The following PXDN variants were observed in gnomAD, a reference collection of about 807,000 sequenced individuals.
PXDN encodes the protein peroxidasin homolog.
Under a neutral mutation model 140.3 loss-of-function variants are expected in PXDN, and 77 were observed. The ratio of observed to expected loss-of-function variants is 0.55; its 90% CI spans 0.46 to 0.66. The LOEUF (loss-of-function observed/expected upper bound fraction) is 0.66, where lower values mean the gene tolerates loss of function less well. PXDN is among the 30% of genes least tolerant of loss of function. The probability of loss-of-function intolerance (pLI) is 0.00; values close to 1 mark genes in which losing one functional copy is unlikely to be tolerated. For synonymous variants in PXDN, 911 were observed against 857.4 expected (o/e 1.06, Z -1.09); for missense variants, 1,838 against 2,039.5 (o/e 0.90, Z 1.90).
chr2:1,725,607 T>G (rs1033478655), intron 1 of PXDN, among the ~76,000 whole-genome samples: 1 of 152,064 alleles, frequency 6.6e-6, no homozygotes, highest in Non-Finnish European at 1.5e-5. Flanking sequence ...AGCTTCTGCA[T>G]AGCAAAACAA....
chr2:1,638,736 G>A (rs1682635729), intron 21 of PXDN, 110 bp downstream of exon 21: 2 of 1,511,502 alleles, frequency 1.3e-6, no homozygotes, highest in Non-Finnish European at 1.8e-6. Context: ...GTCCTGTGTG[G>A]GCAGTTGAAC....
chr2:1,724,376 T>C (rs1685127665), intron 1 of PXDN, among the ~76,000 whole-genome samples: 1 of 152,086 alleles, frequency 6.6e-6, no homozygotes, highest in Non-Finnish European at 1.5e-5. Flanking sequence ...ATATCCTTTT[T>C]ATAGTAGGTT....
At chr2:1,661,942 C>G (rs1417544474) in intron 13 of PXDN, 130 bp downstream of exon 13, 1 of 751,748 alleles carries the variant, frequency 1.3e-6, no homozygotes, top group East Asian at 2.7e-5. Context: ...CCCATCATAC[C>G]CCACAGCAGA....
At chr2:1,658,330 C>T (rs1157020002) in intron 14 of PXDN, among the ~76,000 whole-genome samples, 1 of 152,076 alleles carries the variant, frequency 6.6e-6, no homozygotes. Context: ...CTTTTCCATG[C>T]TCAAACAGGA....
chr2:1,666,526 G>A (rs369591666), intron 9 of PXDN, 40 bp from the exon 10 acceptor site: 75 of 1,540,572 alleles, frequency 4.9e-5, no homozygotes, highest in Middle Eastern at 4.1e-4. Context: ...AATTTCTCCC[G>A]GTTTGACATG....
intron 1 of PXDN, among the ~76,000 whole-genome samples, chr2:1,730,279 A>G (rs1277465585): frequency 6.6e-6 from 1 of 152,206 alleles, no homozygotes; most frequent in East Asian, 1.9e-4. Context: ...TTAGTGGGTA[A>G]AAGAGCAGGC....
In PXDN at chr2:1,744,358, C is replaced by A. The variant is rs1381077182; in HGVS notation, c.98G>T (p.Gly33Val). Residue 33 changes from glycine (G) to valine (V), a missense_variant, in exon 1 of 23, where the codon GGC (glycine) becomes GTC (valine). Physicochemically the swap from Gly to Val is moderately radical, Grantham distance 109 (BLOSUM62 -3). This residue lies in a region of PXDN where 231 missense variants were observed against 201.5 expected (regional missense o/e 1.15). Transcript: ENST00000252804. ...GTLAVVAQKP[G>V]AGCPSRCLCF... is the part of the protein sequence containing the mutation. ...CAGGCAGCGGCTCGGACACCCTGCG[C>A]CCGGCTTCTGGGCCACCACGGCCAG... 6.5e-7 allele frequency: 1 copy of A among 1,527,214 alleles called. No homozygotes were observed. The highest frequency in any genetic ancestry group is 8.7e-7 in the Non-Finnish European group (1 of 1,143,580). 94.6% of individuals were successfully genotyped at this position (1,527,214 alleles called of 1,614,324 possible). A position where few individuals can be genotyped will look rare whatever the true frequency, so the allele number is the denominator to read the frequency against.
intron 9 of PXDN, among the ~76,000 whole-genome samples, chr2:1,670,756 C>T (rs576863986): frequency 2.0e-5 from 3 of 152,268 alleles, no homozygotes; most frequent in South Asian, 4.2e-4. Flanking sequence ...TCAACACAGG[C>T]CCATGAAGAG....
At chr2:1,678,829 C>T (rs928993375) in intron 7 of PXDN, among the ~76,000 whole-genome samples, 4 of 152,090 alleles carry the variant, frequency 2.6e-5, no homozygotes, top group African/African-American at 4.8e-5. Flanking sequence ...AGTCTGGGTC[C>T]GGGGTGGGGA....
intron 14 of PXDN, among the ~76,000 whole-genome samples, chr2:1,654,925 G>A (rs886669125): frequency 1.3e-5 from 2 of 151,946 alleles, no homozygotes; most frequent in African/African-American, 2.4e-5. Context: ...TGGACTCCGG[G>A]ATCCTAACCC....
chr2:1,707,991 G>C lies in PXDN; in HGVS notation c.201-14857C>G, dbSNP rs551391458. ...CCAAACGCAGGCAATCCTCAGCGGA[G>C]CTCTTCTCCAGCTGGAACAATGAGC... is the stretch of plus-strand genomic sequence containing the variant. On this transcript the variant is annotated intron_variant, in intron 1 of 22. Coordinates refer to ENST00000252804, the MANE Select transcript of PXDN (RefSeq NM_012293.3). Among the ~76,000 whole-genome samples, 83 of 152,336 alleles carry C rather than the reference G, an allele frequency of 5.4e-4. 2 individuals are homozygous for C. In the Middle Eastern group the frequency reaches 0.014, roughly 25 times the overall value.
At chr2:1,683,016 C>T (rs909690174) in intron 6 of PXDN, among the ~76,000 whole-genome samples, 4 of 152,284 alleles carry the variant, frequency 2.6e-5, no homozygotes, top group Non-Finnish European at 4.4e-5. Context: ...TCTTTCCACA[C>T]TGGTTTTATT....
At position 1,699,698 on chromosome 2, in the gene PXDN, G is replaced by A. The variant is rs573685267; in HGVS notation, c.201-6564C>T. Among the ~76,000 whole-genome samples the A allele has an allele frequency of 2.3e-3, 348 of 152,234 alleles. 1 individual carries two copies. Among genetic ancestry groups the A allele is most frequent in the South Asian group, 0.01 (49 of 4,818 alleles). ...GCACTCCAGCCTGGGCAACAAGAGC[G>A]AAACTCTGTCTCACCAAAACAAACA... is the stretch of plus-strand genomic sequence containing the variant. On this transcript the variant is annotated intron_variant, in intron 1 of 22. Coordinates refer to ENST00000252804, the MANE Select transcript of PXDN (RefSeq NM_012293.3).
chr2:1,634,005 C>A lies in PXDN; in HGVS notation c.*199G>T. The stretch of plus-strand genomic sequence containing the variant: ...GGACTCCTGCCTGCTTCCCTTCAGG[C>A]ACCTGCTGTGCCTCCTTCTCCGCAG... On this transcript the variant is annotated 3_prime_UTR_variant, in exon 23 of 23. Coordinates refer to ENST00000252804, the MANE Select transcript of PXDN (RefSeq NM_012293.3). The A allele has an allele frequency of 1.5e-6, 1 of 645,990 alleles. No individual in the cohort carries two copies. Among genetic ancestry groups the A allele is most frequent in the Non-Finnish European group, 2.4e-6 (1 of 417,080 alleles). The allele number at this position is 645,990 out of a possible 1,614,324, so 40.0% of individuals were successfully genotyped here.
At chr2:1,669,155 A>G (rs1436895080) in intron 9 of PXDN, among the ~76,000 whole-genome samples, 1 of 152,242 alleles carries the variant, frequency 6.6e-6, no homozygotes, top group Non-Finnish European at 1.5e-5. Context: ...TTGCAGGAAC[A>G]TGGAAAAAGC....
chr2:1,686,138 T>G (rs899976094), intron 4 of PXDN, among the ~76,000 whole-genome samples: 1 of 152,212 alleles, frequency 6.6e-6, no homozygotes, highest in African/African-American at 2.4e-5. Flanking sequence ...CCACCCTCCC[T>G]GGACATACAG....
Position 1,663,677 on chromosome 2 carries a change from G to C in PXDN, c.1495C>G (p.Gln499Glu), listed in dbSNP as rs185623598. 147 of 1,614,016 alleles carry C rather than the reference G, an allele frequency of 9.1e-5. 1 individual carries two copies. In the East Asian group the frequency reaches 3.0e-3, roughly 33 times the overall value. ...ATGTTGACAGCCTGGCATTCGTACT[G>C]GCCCTGGTCGTGGAGGGCAACACCA... Reference protein sequence around the residue: ...ISGVALHDQGQYECQAVNIIG... With the variant: ...ISGVALHDQGEYECQAVNIIG... The change falls in exon 12 of 23, where the codon CAG (glutamine) becomes GAG (glutamate). Residue 499 changes from glutamine (Q) to glutamate (E), a missense_variant. This residue lies in a region of PXDN where 537 missense variants were observed against 583.9 expected (regional missense o/e 0.92). Coordinates refer to ENST00000252804, the MANE Select transcript of PXDN (RefSeq NM_012293.3).
In PXDN at chr2:1,649,707, A is replaced by G. The variant is rs903362684; in HGVS notation, c.2105-32T>C. The G allele has an allele frequency of 5.6e-6, 9 of 1,610,132 alleles. No individual in the cohort carries two copies. The highest frequency in any genetic ancestry group is 4.5e-5 in the East Asian group (2 of 44,840). ...CGTGGAGAAAAGCAAGACGCACTCA[A>G]TTCCCCTGGAGGATGTGTGAGGGCC... On this transcript the variant is annotated intron_variant, in intron 16 of 22. Transcript: ENST00000252804. This position sits in a 1 kb window ranked among gnomAD's most constrained non-coding sequence, Gnocchi z 7.1.
At chr2:1,692,144 C>T (rs994636351) in intron 2 of PXDN, 145 bp from the exon 3 acceptor site, 3 of 644,790 alleles carry the variant, frequency 4.7e-6, no homozygotes, top group South Asian at 4.2e-5. Flanking sequence ...ACGCTGAACC[C>T]GCAGGACAAA....
Sources: gnomAD v4.1 joint callset for allele counts (sites outside exome capture counted in the v4.1 genomes callset) on GRCh38, gnomAD v4.1.1 for gene constraint, gnomAD v4.1.1 regional missense constraint, Gnocchi (gnomAD v3.1) non-coding constraint, MANE v1.5 for transcripts, NCBI Gene and HGNC (gene_info 2026-07-23, HGNC 2026-07-21) for gene names.